The following SPIRE1 variants were observed in gnomAD, a reference collection of about 807,000 sequenced individuals.
The protein encoded by SPIRE1 is spire type actin nucleation factor 1, also known as protein spire homolog 1.
In SPIRE1, 40 loss-of-function variants were observed where a neutral mutation model predicts 94.1. The ratio of observed to expected loss-of-function variants is 0.43; its 90% CI spans 0.33 to 0.55. The LOEUF (loss-of-function observed/expected upper bound fraction) is 0.55, where lower values mean the gene tolerates loss of function less well. Among genes scored for constraint, SPIRE1 ranks in the 20% least tolerant of loss-of-function variants. SPIRE1 has a pLI of 0.06. For synonymous variants in SPIRE1, 376 were observed against 371.7 expected, an observed-to-expected ratio of 1.01 and a Z score of -0.13; for missense variants, 838 against 975.2, an observed-to-expected ratio of 0.86 and a Z score of 1.87.
chr18:12,573,023 T>C (rs146971224), intron 2 of SPIRE1, among the ~76,000 whole-genome samples: 10 of 152,254 alleles, frequency 6.6e-5, no homozygotes, highest in African/African-American at 2.2e-4. Context: ...AGCTGGACTT[T>C]ATTAAAGACA....
intron 2 of SPIRE1, among the ~76,000 whole-genome samples, chr18:12,629,381 G>T (rs1313247379): frequency 3.9e-5 from 6 of 152,158 alleles, no homozygotes; most frequent in African/African-American, 1.4e-4. Flanking sequence ...TTAAACAATG[G>T]CAGTAGGAAA....
chr18:12,507,531 T>C (rs546850925), intron 5 of SPIRE1, among the ~76,000 whole-genome samples: 9 of 151,956 alleles, frequency 5.9e-5, no homozygotes, highest in African/African-American at 1.9e-4. Flanking sequence ...AAACCCTGTC[T>C]CTACTAAAAA....
In SPIRE1 at chr18:12,571,430, C is replaced by G. The variant is rs748366425; in HGVS notation, c.373-24526G>C. Among the ~76,000 whole-genome samples, 53 of 152,142 alleles carry G rather than the reference C, an allele frequency of 3.5e-4. 1 individual carries two copies. The highest frequency in any genetic ancestry group is 2.5e-4 in the Non-Finnish European group (17 of 68,024). On this transcript the variant is annotated intron_variant, in intron 2 of 16. Transcript: ENST00000409402. ...GGTAGAATCATGTAAAATCTAGAGTCTGCCATCTAACACATTATCATGCCC... is the reference window on the plus strand; with the variant it reads ...GGTAGAATCATGTAAAATCTAGAGTGTGCCATCTAACACATTATCATGCCC...
chr18:12,593,402 T>C (rs997782350), intron 2 of SPIRE1, among the ~76,000 whole-genome samples: 5 of 152,234 alleles, frequency 3.3e-5, no homozygotes, highest in African/African-American at 1.2e-4. Context: ...ACATTTTATG[T>C]TCTATAAAGC....
intron 2 of SPIRE1, among the ~76,000 whole-genome samples, chr18:12,566,408 G>A (rs576006143): frequency 4.9e-4 from 74 of 152,242 alleles, no homozygotes; most frequent in South Asian, 1.9e-3. Flanking sequence ...TCAGATCTAC[G>A]TAAAGAAAGG....
chr18:12,579,327 A>G (rs558621982), intron 2 of SPIRE1, among the ~76,000 whole-genome samples: 1 of 152,316 alleles, frequency 6.6e-6, no homozygotes, highest in African/African-American at 2.4e-5. Flanking sequence ...GAAATTTGTT[A>G]CATGTTACAA....
chr18:12,562,571 G>C (rs2035717138), intron 2 of SPIRE1, among the ~76,000 whole-genome samples: 1 of 151,000 alleles, frequency 6.6e-6, no homozygotes, highest in South Asian at 2.1e-4. Context: ...ATGTACGATG[G>C]TAGTCTGCTG....
intron 4 of SPIRE1, among the ~76,000 whole-genome samples, chr18:12,523,907 T>G (rs967671345): frequency 2.6e-5 from 4 of 152,174 alleles, no homozygotes; most frequent in Non-Finnish European, 5.9e-5. Flanking sequence ...CCCACTCTAG[T>G]CTCAAACTCC....
intron 5 of SPIRE1, among the ~76,000 whole-genome samples, chr18:12,508,695 C>T (rs1170620156): frequency 3.4e-5 from 5 of 145,646 alleles, no homozygotes; most frequent in South Asian, 2.2e-4. Flanking sequence ...TTTTTTGAGA[C>T]GGAGTCTTGC....
chr18:12,499,686 A>G (rs2033589298), intron 6 of SPIRE1, among the ~76,000 whole-genome samples: 1 of 152,172 alleles, frequency 6.6e-6, no homozygotes, highest in African/African-American at 2.4e-5. Context: ...GGATTTGGTA[A>G]TGAATTCCTA....
intron 2 of SPIRE1, among the ~76,000 whole-genome samples, chr18:12,576,391 G>A (rs2144504724): frequency 6.6e-6 from 1 of 151,568 alleles, no homozygotes; most frequent in South Asian, 2.1e-4. Flanking sequence ...AGACCAGCCT[G>A]GCCGACATAG....
At chr18:12,580,525 T>C (rs866941618) in intron 2 of SPIRE1, among the ~76,000 whole-genome samples, 21 of 152,134 alleles carry the variant, frequency 1.4e-4, no homozygotes, top group Middle Eastern at 3.2e-3. Context: ...GGTTTCACCA[T>C]GTTGGCCAGG....
intron 1 of SPIRE1, among the ~76,000 whole-genome samples, chr18:12,646,004 T>C (rs1208191379): frequency 6.6e-6 from 1 of 152,186 alleles, no homozygotes; most frequent in Non-Finnish European, 1.5e-5. Flanking sequence ...AGCATCCTGT[T>C]GAGAACTCTT....
intron 2 of SPIRE1, among the ~76,000 whole-genome samples, chr18:12,590,245 G>A (rs780749844): frequency 2.3e-4 from 35 of 152,148 alleles, no homozygotes; most frequent in South Asian, 4.1e-4. Context: ...GTGCCACCAC[G>A]CCTGGCTCAT....
At chr18:12,659,639 C>T (rs1220141560), upstream of SPIRE1, among the ~76,000 whole-genome samples, 1 of 152,074 alleles carries the variant, frequency 6.6e-6, no homozygotes, top group Non-Finnish European at 1.5e-5. Flanking sequence ...CACTGCACTC[C>T]AGCCTGGGGG....
intron 14 of SPIRE1, 112 bp downstream of exon 14, chr18:12,452,956 G>A: frequency 1.5e-6 from 1 of 687,010 alleles, no homozygotes. Flanking sequence ...GTAACAGAGT[G>A]AGTCATTTCT....
At chr18:12,485,835 C>T in intron 9 of SPIRE1, 124 bp downstream of exon 9, 3 of 699,688 alleles carry the variant, frequency 4.3e-6, no homozygotes, top group Non-Finnish European at 4.9e-6. Flanking sequence ...TTTTACTGAC[C>T]ACGGCTTAGC....
At chr18:12,579,367 A>C (rs1346025477) in intron 2 of SPIRE1, among the ~76,000 whole-genome samples, 1 of 152,174 alleles carries the variant, frequency 6.6e-6, no homozygotes, top group African/African-American at 2.4e-5. Flanking sequence ...CATTATGCTA[A>C]GTGTAAGAAG....
At chr18:12,468,265 G>A (rs1484815897) in intron 10 of SPIRE1, among the ~76,000 whole-genome samples, 1 of 152,178 alleles carries the variant, frequency 6.6e-6, no homozygotes. Context: ...ATCTGTATCT[G>A]AAGAGGTGGA....
Sources: gnomAD v4.1 joint callset for allele counts (sites outside exome capture counted in the v4.1 genomes callset) on GRCh38, gnomAD v4.1.1 for gene constraint, MANE v1.5 for transcripts, NCBI Gene and HGNC (gene_info 2026-07-23, HGNC 2026-07-21) for gene names.